Variants in FAM135A observed in about 807,000 individuals in gnomAD.
FAM135A encodes family with sequence similarity 135 member A.
In FAM135A, 79 loss-of-function variants were observed where a neutral mutation model predicts 146.8. That is an observed-to-expected ratio of 0.54 (90% confidence interval 0.45 to 0.65). The LOEUF is 0.65. Ranked by LOEUF, FAM135A falls within the 30% of genes least tolerant of loss-of-function variation. The pLI is 0.00. For synonymous variants in FAM135A, 562 were observed against 603.6 expected, an observed-to-expected ratio of 0.93 and a Z score of 1.01; for missense variants, 1,623 against 1,758.2, an observed-to-expected ratio of 0.92 and a Z score of 1.38.
chr6:70,557,299 T>G, intron 21 of FAM135A: 1 of 193,968 alleles, frequency 5.2e-6, no homozygotes, highest in Non-Finnish European at 1.0e-5. Context: ...GTATAGCCAT[T>G]TGGAGCCAGA....
intron 5 of FAM135A, among the ~76,000 whole-genome samples, chr6:70,455,471 C>T (rs1778138163): frequency 6.6e-6 from 1 of 151,836 alleles, no homozygotes; most frequent in Admixed American, 6.6e-5. Context: ...ATTCATTCAT[C>T]TTAAAATGAA....
intron 6 of FAM135A, 27 bp from the exon 7 acceptor site, chr6:70,475,636 G>A: frequency 6.3e-7 from 1 of 1,594,750 alleles, no homozygotes; most frequent in Non-Finnish European, 8.5e-7. Flanking sequence ...ATTTCAAAAA[G>A]TATCTCATAG....
chr6:70,552,802 GGA>G (rs944243260), intron 20 of FAM135A, among the ~76,000 whole-genome samples: 3 of 151,792 alleles, frequency 2.0e-5, no homozygotes, highest in Non-Finnish European at 4.4e-5. Flanking sequence ...AAAAGGGTAG[GGA>G]GAGAGAGAGG....
chr6:70,455,381 T>TACACAC lies in FAM135A; in HGVS notation c.157+2837_157+2842dup, dbSNP rs34915267. Reference sequence around the variant, plus strand: ...ACAGAGGTCTGTTGCTTATGACAAATACACACACACACACACACACACACA... The same window carrying TACACAC: ...ACAGAGGTCTGTTGCTTATGACAAATACACACACACACACACACACACACACACACA... On this transcript the variant is annotated intron_variant, in intron 5 of 21. Transcript: ENST00000418814. Among the ~76,000 whole-genome samples the TACACAC allele has an allele frequency of 1.3e-3, 187 of 146,152 alleles. 1 individual carries two copies. The highest frequency in any genetic ancestry group is 9.1e-4 in the Non-Finnish European group (60 of 65,776).
intron 20 of FAM135A, among the ~76,000 whole-genome samples, chr6:70,545,401 T>C (rs1397224229): frequency 6.6e-6 from 1 of 151,848 alleles, no homozygotes; most frequent in Non-Finnish European, 1.5e-5. Flanking sequence ...TCACCTGAGG[T>C]CAGGAGCTTG....
intron 6 of FAM135A, 55 bp downstream of exon 6, chr6:70,475,604 G>A: frequency 6.3e-7 from 1 of 1,583,662 alleles, no homozygotes; most frequent in Non-Finnish European, 8.6e-7. Flanking sequence ...GCCTCAAGAT[G>A]TTATTTCTAA....
In FAM135A at chr6:70,426,438, G is replaced by A. The variant is rs935605411; in HGVS notation, c.-133-1G>A. 1 of 151,920 alleles carries A rather than the reference G, an allele frequency of 6.6e-6. No homozygotes were observed. The highest frequency in any genetic ancestry group is 2.4e-5 in the African/African-American group (1 of 41,386). 9.4% of individuals were successfully genotyped at this position (151,920 alleles called of 1,614,324 possible). On this transcript the variant is annotated splice_acceptor_variant, in intron 2 of 21. Transcript: ENST00000418814. LOFTEE classifies it low-confidence loss of function (5UTR_SPLICE). Reference sequence around the variant, plus strand: ...TGAGATGTTACTTTTTTTTCTCATAGGGGGAACGGTGTATTTTTAACAACG... The same window carrying A: ...TGAGATGTTACTTTTTTTTCTCATAAGGGGAACGGTGTATTTTTAACAACG...
chr6:70,542,157 T>C (rs1798039280), intron 20 of FAM135A, among the ~76,000 whole-genome samples: 1 of 152,114 alleles, frequency 6.6e-6, no homozygotes, highest in African/African-American at 2.4e-5. Context: ...CATGATGCTT[T>C]GTGGTATTCA....
chr6:70,415,076 T>A (rs1192802847), intron 1 of FAM135A, among the ~76,000 whole-genome samples: 1 of 152,218 alleles, frequency 6.6e-6, no homozygotes, highest in African/African-American at 2.4e-5. Context: ...ACCTTTAGAA[T>A]TAGTGTGCTT....
intron 5 of FAM135A, among the ~76,000 whole-genome samples, chr6:70,470,512 AC>A (rs1259569695): frequency 4.6e-5 from 7 of 152,056 alleles, no homozygotes; most frequent in South Asian, 2.1e-4. Flanking sequence ...GGCCGCCACC[AC>A]ACCCACCTAA....
chr6:70,480,924 C>T lies in FAM135A; in HGVS notation c.566C>T (p.Thr189Ile), dbSNP rs1214136895. ...LISFPRPVKTTWLNRNAPAQN... is the reference protein window; with the variant it reads ...LISFPRPVKTIWLNRNAPAQN... ...AGCTTTCCTCGCCCTGTGAAGACAACTTGGTTAAATAGAAATGCACCAGCA... is the reference window on the plus strand; with the variant it reads ...AGCTTTCCTCGCCCTGTGAAGACAATTTGGTTAAATAGAAATGCACCAGCA... The change falls in exon 9 of 22, where the codon ACT (threonine) becomes ATT (isoleucine). Residue 189 changes from threonine (T) to isoleucine (I), a missense_variant. Physicochemically the swap from Thr to Ile is moderately conservative, Grantham distance 89 (BLOSUM62 -1). Transcript: ENST00000418814. 1.9e-6 allele frequency: 3 copies of T among 1,611,682 alleles called. No homozygotes were observed. Among genetic ancestry groups the T allele is most frequent in the Admixed American group, 1.7e-5 (1 of 59,624 alleles).
chr6:70,493,079 T>C (rs1347864106), intron 11 of FAM135A, among the ~76,000 whole-genome samples: 1 of 152,064 alleles, frequency 6.6e-6, no homozygotes, highest in Non-Finnish European at 1.5e-5. Context: ...TTTAAAAGCA[T>C]TAGGTGGATC....
At position 70,525,824 on chromosome 6, in the gene FAM135A, A is replaced by T. The variant is rs751651719; in HGVS notation, c.2740A>T (p.Asn914Tyr). 3 of 1,612,630 alleles carry T rather than the reference A, an allele frequency of 1.9e-6. No individual in the cohort carries two copies. Among genetic ancestry groups the T allele is most frequent in the Non-Finnish European group, 2.5e-6 (3 of 1,179,432 alleles). The change falls in exon 15 of 22, where the codon AAT (asparagine) becomes TAT (tyrosine). Residue 914 changes from asparagine (N) to tyrosine (Y), a missense_variant. Physicochemically the swap from Asn to Tyr is moderately radical, Grantham distance 143. Coordinates refer to ENST00000418814, the MANE Select transcript of FAM135A (RefSeq NM_001162529.3). ...DNETVAIHSL[N>Y]SSIKDPLQFV... ...TGAAACTGTAGCAATACATTCCTTAAATTCAAGCATTAAAGACCCTTTACA... is the reference window on the plus strand; with the variant it reads ...TGAAACTGTAGCAATACATTCCTTATATTCAAGCATTAAAGACCCTTTACA...
At chr6:70,472,452 T>A (rs997244952) in intron 5 of FAM135A, among the ~76,000 whole-genome samples, 1 of 152,148 alleles carries the variant, frequency 6.6e-6, no homozygotes, top group Admixed American at 6.5e-5. Context: ...AATTTGCCAA[T>A]ATGATTGCTC....
chr6:70,439,656 G>A (rs1774002256), intron 4 of FAM135A, among the ~76,000 whole-genome samples: 1 of 151,940 alleles, frequency 6.6e-6, no homozygotes, highest in Admixed American at 6.6e-5. Flanking sequence ...TATTTTCTAT[G>A]TCCGCTCTTC....
intron 11 of FAM135A, among the ~76,000 whole-genome samples, chr6:70,493,020 C>G (rs764280600): frequency 4.0e-5 from 6 of 151,836 alleles, no homozygotes; most frequent in African/African-American, 1.5e-4. Flanking sequence ...TAAATGTACA[C>G]AAATATAAGG....
At chr6:70,543,760 A>C (rs779897495) in intron 20 of FAM135A, among the ~76,000 whole-genome samples, 4 of 152,256 alleles carry the variant, frequency 2.6e-5, no homozygotes, top group Non-Finnish European at 5.9e-5. Flanking sequence ...ACAGCATTAT[A>C]CAAAGTAACA....
intron 2 of FAM135A, among the ~76,000 whole-genome samples, chr6:70,419,441 T>C (rs1042453668): frequency 2.8e-4 from 43 of 152,084 alleles, no homozygotes; most frequent in African/African-American, 1.0e-3. Flanking sequence ...AAAGTATTCC[T>C]GTTTTGGGCT....
In FAM135A at chr6:70,525,149, G is replaced by A; in HGVS notation, c.2065G>A (p.Val689Met). The change falls in exon 15 of 22, where the codon GTG becomes ATG. Residue 689 changes from valine to methionine, a missense_variant. Transcript: ENST00000418814. ...WTELRQEEIL[V>M]DNLLPNFESL... ...AGAGCTTCGACAAGAGGAAATACTT[G>A]TGGATAATTTACTACCCAACTTTGA... 6.3e-7 allele frequency: 1 copy of A among 1,576,028 alleles called. No individual in the cohort carries two copies. Among genetic ancestry groups the A allele is most frequent in the Non-Finnish European group, 8.6e-7 (1 of 1,165,304 alleles).
Sources: allele counts gnomAD v4.1 joint callset (sites outside exome capture counted in the v4.1 genomes callset), GRCh38; gene constraint gnomAD v4.1.1; transcripts MANE v1.5; gene names NCBI Gene and HGNC (gene_info 2026-07-23, HGNC 2026-07-21).